LRRC63: variants seen among roughly 807,000 people sequenced by gnomAD.
LRRC63 encodes leucine-rich repeat-containing protein 63.
A neutral mutation model predicts 49.5 loss-of-function variants in LRRC63; 40 were observed. The observed-to-expected ratio is 0.81, with a 90% CI of 0.63 to 1.05. LRRC63 has a LOEUF of 1.05. Ranked by LOEUF, LRRC63 falls within the 50% of genes least tolerant of loss-of-function variation. The probability of loss-of-function intolerance (pLI) is 0.00; values close to 1 mark genes in which losing one functional copy is unlikely to be tolerated. For missense variants in LRRC63, 636 were observed against 663.1 expected (o/e 0.96, Z 0.45); for synonymous variants, 191 against 221.1 (o/e 0.86, Z 1.21).
chr13:46,221,722 T>A (rs908960550), intron 2 of LRRC63, among the ~76,000 whole-genome samples: 5 of 152,228 alleles, frequency 3.3e-5, no homozygotes, highest in African/African-American at 1.2e-4. Flanking sequence ...AAGACTTGGT[T>A]CTGAGTCAGC....
chr13:46,240,898 G>A lies in LRRC63; in HGVS notation c.991-5629G>A, dbSNP rs888646434. Among the ~76,000 whole-genome samples, 4 of 152,204 alleles carry A rather than the reference G, an allele frequency of 2.6e-5. No homozygotes were observed. The South Asian group carries it at 8.3e-4, about 31-fold the overall frequency. On this transcript the variant is annotated intron_variant, in intron 5 of 9. Transcript: ENST00000595396. ...TAGGAAGAATCAGTATTATTAAAAT[G>A]GCCATACTGACGAAAGCGATTTATA...
At chr13:46,255,645 A>AAAAAAAAAAAAAAAT (rs1555328641) in intron 7 of LRRC63, among the ~76,000 whole-genome samples, 2 of 129,456 alleles carry the variant, frequency 1.5e-5, no homozygotes, top group African/African-American at 5.8e-5. Flanking sequence ...CCCTGCCTCA[A>AAAAAAAAAAAAAAAT]ATATATATAT....
At chr13:46,238,311 C>G (rs1285535533) in intron 5 of LRRC63, among the ~76,000 whole-genome samples, 3 of 152,152 alleles carry the variant, frequency 2.0e-5, no homozygotes, top group Non-Finnish European at 4.4e-5. Context: ...TTACAGAACT[C>G]TACCCCTAAA....
intron 7 of LRRC63, among the ~76,000 whole-genome samples, chr13:46,261,589 C>A (rs1317704702): frequency 6.6e-6 from 1 of 152,126 alleles, no homozygotes; most frequent in Non-Finnish European, 1.5e-5. Context: ...ATTTCTGTTA[C>A]TTTAAGCCAC....
chr13:46,276,760 G>C, exon 10 of LRRC63: 1 of 1,221,650 alleles, frequency 8.2e-7, no homozygotes, highest in Non-Finnish European at 1.0e-6. Flanking sequence ...GGTAGTCCTA[G>C]TAGAAGAATA....
exon 3 of LRRC63, chr13:46,227,870 C>T: frequency 1.3e-6 from 2 of 1,550,444 alleles, no homozygotes; most frequent in Non-Finnish European, 1.7e-6. Flanking sequence ...GGCTAGAAAA[C>T]ATTTTAATTC....
chr13:46,249,496 A>T (rs1034802927), intron 6 of LRRC63, among the ~76,000 whole-genome samples: 2 of 151,884 alleles, frequency 1.3e-5, no homozygotes, highest in African/African-American at 2.4e-5. Flanking sequence ...TACTATAAAT[A>T]ACTGTATACC....
intron 9 of LRRC63, among the ~76,000 whole-genome samples, chr13:46,269,403 G>A (rs980019507): frequency 2.6e-5 from 4 of 152,112 alleles, no homozygotes; most frequent in Non-Finnish European, 5.9e-5. Context: ...GAATAGCACT[G>A]TGGATCAGTA....
intron 2 of LRRC63, among the ~76,000 whole-genome samples, chr13:46,222,827 A>G (rs1188929141): frequency 6.6e-6 from 1 of 152,062 alleles, no homozygotes; most frequent in African/African-American, 2.4e-5. Context: ...TCCAACAATG[A>G]TAGACTGGAT....
intron 1 of LRRC63, 143 bp from the exon 2 acceptor site, chr13:46,212,859 C>CTT (rs202111793): frequency 1.2e-5 from 6 of 501,396 alleles, no homozygotes; most frequent in South Asian, 6.1e-5. Context: ...TTCTTACCCT[C>CTT]TTTTTTTTTC....
chr13:46,222,663 G>A lies in LRRC63; in HGVS notation c.86-4849G>A, dbSNP rs1035402850. ...TGGAAGTCAGTGTGGCGATTCCTCA[G>A]GGATCTAGAACTAGAAATACCATTT... On this transcript the variant is annotated intron_variant, in intron 2 of 9. Transcript: ENST00000595396. Among the ~76,000 whole-genome samples the A allele has an allele frequency of 4.8e-4, 73 of 151,892 alleles. 1 individual carries two copies. Among genetic ancestry groups the A allele is most frequent in the African/African-American group, 1.7e-3 (71 of 41,364 alleles).
chr13:46,255,645 A>AAAAAAAAAAAATATATATAT (rs1555328641), intron 7 of LRRC63, among the ~76,000 whole-genome samples: 13 of 129,448 alleles, frequency 1.0e-4, no homozygotes, highest in African/African-American at 3.5e-4. Context: ...CCCTGCCTCA[A>AAAAAAAAAAAATATATATAT]ATATATATAT....
At chr13:46,212,097 G>A (rs546523349) in exon 1 of LRRC63, 1 of 152,412 alleles carries the variant, frequency 6.6e-6, no homozygotes, top group African/African-American at 2.4e-5. Flanking sequence ...GAGACGAAAA[G>A]CCAGTTGGTT....
In LRRC63 at chr13:46,255,645, A is replaced by AATATATATATATAT. The variant is rs142798828; in HGVS notation, c.1226+5162_1226+5175dup. ...GGCAACAGAGTAAGACCCTGCCTCA[A>AATATATATATATAT]ATATATATATATATATATATAGTTA... On this transcript the variant is annotated intron_variant, in intron 7 of 9. Transcript: ENST00000595396. 7.8e-4 allele frequency among the ~76,000 whole-genome samples: 101 copies of AATATATATATATAT among 129,432 alleles called. 6 individuals are homozygous for AATATATATATATAT. The highest frequency in any genetic ancestry group is 3.2e-3 in the South Asian group (12 of 3,726). 84.9% of individuals were successfully genotyped at this position (129,432 alleles called of 152,430 possible).
intron 2 of LRRC63, among the ~76,000 whole-genome samples, chr13:46,214,080 GT>G (rs11297587): frequency 0.48 from 73,235 of 151,846 alleles, 19,209 homozygotes; most frequent in African/African-American, 0.67. Context: ...CTCTATTTCT[GT>G]TGTATGGTTT....
intron 5 of LRRC63, 47 bp from the exon 6 acceptor site, chr13:46,246,480 G>T (rs1362501121): frequency 2.3e-6 from 2 of 884,484 alleles, no homozygotes; most frequent in Non-Finnish European, 3.2e-6. Flanking sequence ...AAACTATTTT[G>T]TGCCTTGTTA....
intron 9 of LRRC63, among the ~76,000 whole-genome samples, chr13:46,271,882 T>C (rs2047764323): frequency 6.6e-6 from 1 of 152,030 alleles, no homozygotes. Context: ...TACACATTTA[T>C]ACAGAAAAAA....
At chr13:46,244,325 AT>A (rs2047153504) in intron 5 of LRRC63, among the ~76,000 whole-genome samples, 1 of 152,080 alleles carries the variant, frequency 6.6e-6, no homozygotes, top group Non-Finnish European at 1.5e-5. Flanking sequence ...GTAGTAGAAT[AT>A]TTTTTGAAGG....
At chr13:46,249,020 G>A (rs1240390390) in intron 6 of LRRC63, among the ~76,000 whole-genome samples, 1 of 151,766 alleles carries the variant, frequency 6.6e-6, no homozygotes, top group African/African-American at 2.4e-5. Context: ...TGGAAATTAA[G>A]CAACATACTC....
Sources: gnomAD v4.1 joint callset for allele counts (sites outside exome capture counted in the v4.1 genomes callset) on GRCh38, gnomAD v4.1.1 for gene constraint, MANE v1.5 for transcripts, NCBI Gene and HGNC (gene_info 2026-07-23, HGNC 2026-07-21) for gene names.